Variants in HECTD4 observed in about 807,000 individuals in gnomAD.
The protein encoded by HECTD4 is HECT domain E3 ubiquitin protein ligase 4.
HECTD4 carries 114 observed loss-of-function variants against 471.5 expected under a neutral mutation model. The observed-to-expected ratio is 0.24, with a 90% CI of 0.21 to 0.28. The LOEUF is 0.28. Ranked by LOEUF, HECTD4 falls within the 10% of genes least tolerant of loss-of-function variation. The probability of loss-of-function intolerance (pLI) is 1.00; values close to 1 mark genes in which losing one functional copy is unlikely to be tolerated. For synonymous variants in HECTD4, 2,012 were observed against 2,256.0 expected (o/e 0.89, Z 3.07); for missense variants, 3,866 against 5,651.5 (o/e 0.68, Z 10.13).
At chr12:112,334,301 A>G (rs2035898406) in intron 1 of HECTD4, among the ~76,000 whole-genome samples, 1 of 151,622 alleles carries the variant, frequency 6.6e-6, no homozygotes, top group African/African-American at 2.4e-5. Flanking sequence ...ACTAATATCC[A>G]TAATCTACAG....
intron 4 of HECTD4, among the ~76,000 whole-genome samples, chr12:112,309,904 T>A (rs569452093): frequency 1.3e-5 from 2 of 152,290 alleles, no homozygotes; most frequent in East Asian, 1.9e-4. Flanking sequence ...AGCAGGGGAA[T>A]GTGGTTTAGC....
chr12:112,320,848 A>G (rs1354271894), intron 1 of HECTD4, among the ~76,000 whole-genome samples: 1 of 151,988 alleles, frequency 6.6e-6, no homozygotes, highest in Non-Finnish European at 1.5e-5. Context: ...TGTGAAGCAT[A>G]CCCCATTCTT....
chr12:112,258,446 A>C (rs1307328905), intron 20 of HECTD4, 50 bp downstream of exon 20: 1 of 1,329,788 alleles, frequency 7.5e-7, no homozygotes, highest in Non-Finnish European at 1.0e-6. Context: ...CTACGCTTTC[A>C]CCCAAAGAAA....
chr12:112,210,873 T>C (rs1427344189), intron 49 of HECTD4, among the ~76,000 whole-genome samples: 2 of 152,254 alleles, frequency 1.3e-5, no homozygotes, highest in Admixed American at 1.3e-4. Flanking sequence ...GAGCTCAGCA[T>C]AGTGCTTGAC....
At chr12:112,255,075 T>A (rs1450913127) in intron 21 of HECTD4, among the ~76,000 whole-genome samples, 1 of 152,226 alleles carries the variant, frequency 6.6e-6, no homozygotes, top group Non-Finnish European at 1.5e-5. Flanking sequence ...TGTACTTTTA[T>A]CCATGTAGTA....
At chr12:112,217,249 A>C in intron 45 of HECTD4, 54 bp from the exon 46 acceptor site, 1 of 1,415,108 alleles carries the variant, frequency 7.1e-7, no homozygotes, top group Non-Finnish European at 9.3e-7. Context: ...CAATCCCTTT[A>C]CTCTCTCAAA....
chr12:112,216,435 A>G, intron 47 of HECTD4, 64 bp from the exon 48 acceptor site: 1 of 1,137,296 alleles, frequency 8.8e-7, no homozygotes, highest in East Asian at 2.6e-5. Flanking sequence ...GCCAACACAC[A>G]AACAGGGAAG....
At chr12:112,365,711 T>TA (rs2036542112) in intron 1 of HECTD4, among the ~76,000 whole-genome samples, 1 of 151,228 alleles carries the variant, frequency 6.6e-6, no homozygotes, top group Non-Finnish European at 1.5e-5. Context: ...ATTTAGATTT[T>TA]AAAAACAATG....
chr12:112,191,820 G>A (rs2032089204), intron 59 of HECTD4, among the ~76,000 whole-genome samples: 1 of 152,194 alleles, frequency 6.6e-6, no homozygotes, highest in Non-Finnish European at 1.5e-5. Flanking sequence ...CATTCCCTAA[G>A]ATGCATTGTC....
At chr12:112,267,558 C>A (rs1268333515) in intron 13 of HECTD4, among the ~76,000 whole-genome samples, 1 of 152,068 alleles carries the variant, frequency 6.6e-6, no homozygotes, top group Non-Finnish European at 1.5e-5. Flanking sequence ...AAGTGGCATC[C>A]CTCTCCTCCT....
intron 17 of HECTD4, among the ~76,000 whole-genome samples, chr12:112,263,832 AAAG>A (rs1249793823): frequency 6.6e-6 from 1 of 152,004 alleles, no homozygotes; most frequent in East Asian, 1.9e-4. Context: ...ATAGTTCTTA[AAAG>A]AAGATGGAAG....
intron 1 of HECTD4, among the ~76,000 whole-genome samples, chr12:112,371,685 G>A (rs1379264895): frequency 1.3e-5 from 2 of 151,650 alleles, no homozygotes; most frequent in African/African-American, 4.8e-5. Flanking sequence ...TCAGGAGTTC[G>A]AGACCAGCCT....
chr12:112,306,329 G>T, intron 6 of HECTD4, 95 bp from the exon 7 acceptor site: 1 of 1,006,700 alleles, frequency 9.9e-7, no homozygotes. Context: ...CCCAAGATGA[G>T]AATTCACTAG....
intron 48 of HECTD4, among the ~76,000 whole-genome samples, chr12:112,214,228 G>C (rs538662922): frequency 2.8e-4 from 43 of 152,282 alleles, no homozygotes; most frequent in African/African-American, 9.4e-4. Context: ...ACCAAGAGAA[G>C]CCTGTCAATT....
chr12:112,231,347 TC>T, intron 39 of HECTD4, 165 bp downstream of exon 39: 1 of 638,114 alleles, frequency 1.6e-6, no homozygotes, highest in Non-Finnish European at 2.8e-6. Context: ...TGGTCATTAC[TC>T]CCCGACGTAC....
intron 62 of HECTD4, among the ~76,000 whole-genome samples, chr12:112,182,770 C>T (rs1300806517): frequency 2.0e-5 from 3 of 152,378 alleles, no homozygotes; most frequent in South Asian, 4.1e-4. Context: ...CGGCCTTCAG[C>T]GCCCTGACAG....
chr12:112,176,059 G>C (rs2137014806), intron 65 of HECTD4, among the ~76,000 whole-genome samples, 200 bp from the exon 66 acceptor site: 1 of 152,312 alleles, frequency 6.6e-6, no homozygotes, highest in Non-Finnish European at 1.5e-5. Flanking sequence ...ATGTGCCCAG[G>C]CCCCTGAGGG....
Position 112,311,258 on chromosome 12 carries a change from G to A in HECTD4, c.917-1589C>T, listed in dbSNP as rs12230336. Among the ~76,000 whole-genome samples the A allele has an allele frequency of 0.056, 8,272 of 148,862 alleles. 1,246 individuals are homozygous for A. In the East Asian group the frequency reaches 0.61, roughly 11 times the overall value. On this transcript the variant is annotated intron_variant, in intron 4 of 75. Transcript: ENST00000682272. ...GCCTAGGCGACAAGAGCGAAGCTCT[G>A]TCTCAAAAAAAAAAAAAGATTACAT...
rs1167503614 is a variant in HECTD4, at chr12:112,228,146, C to T, written c.6797G>A (p.Gly2266Glu). Residue 2266 changes from glycine to glutamate, a missense_variant, in exon 43 of 76, where the codon GGA becomes GAA. Physicochemically the swap from Gly to Glu is moderately conservative, Grantham distance 98. This residue lies in a region of HECTD4 where 617 missense variants were observed against 915.1 expected (regional missense o/e 0.67). Transcript: ENST00000682272. This position sits in a 1 kb window ranked among gnomAD's most constrained non-coding sequence, Gnocchi z 4.9. Reference sequence around the variant, plus strand: ...TGCCATCACAGGAGCTGACCCATCTCCTGTTGCAGGAAGTGAGGTGTGAAT... The same window carrying T: ...TGCCATCACAGGAGCTGACCCATCTTCTGTTGCAGGAAGTGAGGTGTGAAT... ...LSIHTSLPAT[G>E]DGSAPVMAVV... 1.2e-6 allele frequency: 2 copies of T among 1,613,894 alleles called. No homozygotes were observed. Among genetic ancestry groups the T allele is most frequent in the Non-Finnish European group, 1.7e-6 (2 of 1,179,846 alleles).
Sources: allele counts gnomAD v4.1 joint callset (sites outside exome capture counted in the v4.1 genomes callset), GRCh38; gene constraint gnomAD v4.1.1; regional missense constraint gnomAD v4.1.1; non-coding constraint Gnocchi (gnomAD v3.1); transcripts MANE v1.5; gene names NCBI Gene and HGNC (gene_info 2026-07-23, HGNC 2026-07-21).